The following GAB1 variants were observed in gnomAD, a reference collection of about 807,000 sequenced individuals.
The protein encoded by GAB1 is GRB2-associated-binding protein 1.
Under a neutral mutation model 66.5 loss-of-function variants are expected in GAB1, and 19 were observed. That is an observed-to-expected ratio of 0.29 (90% CI 0.20 to 0.42). The LOEUF (loss-of-function observed/expected upper bound fraction) is 0.42, where lower values mean the gene tolerates loss of function less well. Among genes scored for constraint, GAB1 ranks in the 10% least tolerant of loss-of-function variants. GAB1 has a pLI of 1.00. For missense variants in GAB1, 732 were observed against 858.5 expected (o/e 0.85, Z 1.84); for synonymous variants, 294 against 301.4 (o/e 0.98, Z 0.25).
intron 6 of GAB1, among the ~76,000 whole-genome samples, chr4:143,454,983 T>TTCTTTCC (rs2149784794): frequency 6.6e-6 from 1 of 152,262 alleles, no homozygotes; most frequent in East Asian, 1.9e-4. Flanking sequence ...AGGAATAGGT[T>TTCTTTCC]TTAAAAGACC....
At chr4:143,348,951 C>A (rs550995018) in intron 1 of GAB1, among the ~76,000 whole-genome samples, 1 of 152,302 alleles carries the variant, frequency 6.6e-6, no homozygotes, top group South Asian at 2.1e-4. Context: ...ACTTTGGGAA[C>A]CTTCTCTGAA....
intron 1 of GAB1, among the ~76,000 whole-genome samples, chr4:143,352,780 T>G (rs945709689): frequency 6.6e-6 from 1 of 152,164 alleles, no homozygotes; most frequent in African/African-American, 2.4e-5. Flanking sequence ...AAGTAAATAC[T>G]TATAAAGAAA....
At position 143,460,384 on chromosome 4, in the gene GAB1, C is replaced by T. The variant is rs867730397; in HGVS notation, c.1700C>T (p.Ser567Phe). Residue 567 changes from serine (S) to phenylalanine (F), a missense_variant, in exon 8 of 10, where the codon TCC becomes TTC. Coordinates refer to ENST00000262994, the MANE Select transcript of GAB1 (RefSeq NM_002039.4). Reference protein sequence around the residue: ...FARDSSRFPMSPRPDSVHSTT... With the variant: ...FARDSSRFPMFPRPDSVHSTT... Reference sequence around the variant, plus strand: ...ATTAGCTCTTCCAGGTTTCCCATGTCCCCCCGACCAGATTCAGTGCATAGC... The same window carrying T: ...ATTAGCTCTTCCAGGTTTCCCATGTTCCCCCGACCAGATTCAGTGCATAGC... The T allele has an allele frequency of 3.7e-6, 6 of 1,612,996 alleles. No homozygotes were observed. In the South Asian group the frequency reaches 4.4e-5, roughly 12 times the overall value.
At chr4:143,449,309 C>G (rs1180717514) in intron 6 of GAB1, among the ~76,000 whole-genome samples, 1 of 151,646 alleles carries the variant, frequency 6.6e-6, no homozygotes, top group African/African-American at 2.4e-5. Flanking sequence ...ATTAGGTCCG[C>G]TTGGTGCAGA....
chr4:143,369,508 G>C (rs78735461), intron 1 of GAB1, among the ~76,000 whole-genome samples: 1 of 152,204 alleles, frequency 6.6e-6, no homozygotes, highest in African/African-American at 2.4e-5. Context: ...AAAATATCCT[G>C]TTGCTCTAGT....
At chr4:143,349,406 G>A in intron 1 of GAB1, 1 of 1,063,324 alleles carries the variant, frequency 9.4e-7, no homozygotes, top group African/African-American at 1.5e-5. Context: ...TCAGGGGTCA[G>A]ATAGCTGTAG....
intron 6 of GAB1, among the ~76,000 whole-genome samples, chr4:143,454,331 C>T (rs1711794839): frequency 6.6e-6 from 1 of 152,158 alleles, no homozygotes; most frequent in Non-Finnish European, 1.5e-5. Flanking sequence ...CTATGTTGTA[C>T]TTGTTGAACT....
chr4:143,468,182 C>T (rs1008584542), intron 9 of GAB1, among the ~76,000 whole-genome samples: 2 of 135,058 alleles, frequency 1.5e-5, no homozygotes, highest in Non-Finnish European at 1.6e-5. Flanking sequence ...TGAATTTCAT[C>T]TGTCATGGAA....
At chr4:143,398,606 T>C (rs80236942) in intron 1 of GAB1, among the ~76,000 whole-genome samples, 48 of 152,282 alleles carry the variant, frequency 3.2e-4, no homozygotes, top group Admixed American at 9.8e-4. Flanking sequence ...GTGTCATTTG[T>C]ATAACCCTGG....
intron 6 of GAB1, among the ~76,000 whole-genome samples, chr4:143,447,560 G>A (rs1362074678): frequency 6.6e-6 from 1 of 152,154 alleles, no homozygotes; most frequent in Non-Finnish European, 1.5e-5. Flanking sequence ...TGAAGCAATT[G>A]TGAATGGGAG....
At chr4:143,454,442 A>T (rs1735079620) in intron 6 of GAB1, among the ~76,000 whole-genome samples, 1 of 152,362 alleles carries the variant, frequency 6.6e-6, no homozygotes, top group Non-Finnish European at 1.5e-5. Context: ...TGTCTGAATA[A>T]CAAAGAGGAG....
At chr4:143,373,520 A>T (rs897825566) in intron 1 of GAB1, among the ~76,000 whole-genome samples, 3 of 152,096 alleles carry the variant, frequency 2.0e-5, no homozygotes, top group African/African-American at 7.2e-5. Context: ...TCTATCTGGT[A>T]CTAGGCTTAA....
At chr4:143,396,429 GA>G (rs1011740970) in intron 1 of GAB1, among the ~76,000 whole-genome samples, 3 of 152,140 alleles carry the variant, frequency 2.0e-5, no homozygotes, top group African/African-American at 7.2e-5. Context: ...GAGATGGGGG[GA>G]AAGGATGAAA....
At chr4:143,411,057 C>T (rs1560750236) in intron 1 of GAB1, among the ~76,000 whole-genome samples, 1 of 151,996 alleles carries the variant, frequency 6.6e-6, no homozygotes, top group Non-Finnish European at 1.5e-5. Flanking sequence ...AGAGGCAGGA[C>T]AGAGCAGAGT....
At chr4:143,447,271 G>A (rs1448163859) in intron 6 of GAB1, among the ~76,000 whole-genome samples, 5 of 152,140 alleles carry the variant, frequency 3.3e-5, no homozygotes, top group African/African-American at 2.4e-5. Flanking sequence ...TTGACTTGGC[G>A]ATGCGGGCTC....
chr4:143,338,712 G>GGGGGGTGTGTGT (rs71588246), intron 1 of GAB1, among the ~76,000 whole-genome samples: 15 of 149,288 alleles, frequency 1.0e-4, no homozygotes, highest in African/African-American at 3.5e-4. Flanking sequence ...GAAAGGTAGG[G>GGGGGGTGTGTGT]GTGTGTGTGT....
chr4:143,474,040 C>T lies in GAB1; in HGVS notation c.*4851C>T, dbSNP rs1204567553. On this transcript the variant is annotated 3_prime_UTR_variant, in exon 10 of 10. Transcript: ENST00000262994. The stretch of plus-strand genomic sequence containing the variant: ...TCTGTTAGAATTTTTTGGAGACTAA[C>T]TTGCCAATTCTGTGAATGTTATTGA... 1 of 152,164 alleles carries T rather than the reference C, an allele frequency of 6.6e-6. No homozygotes were observed. Among genetic ancestry groups the T allele is most frequent in the Middle Eastern group, 3.2e-3 (1 of 316 alleles). The allele number at this position is 152,164 out of a possible 1,614,324, so 9.4% of individuals were successfully genotyped here. A position where few individuals can be genotyped will look rare whatever the true frequency, so the allele number is the denominator to read the frequency against.
At position 143,350,003 on chromosome 4, in the gene GAB1, C is replaced by T. The variant is rs962610109; in HGVS notation, c.72+12743C>T. 71 of 1,575,206 alleles carry T rather than the reference C, an allele frequency of 4.5e-5. No homozygotes were observed. In the African/African-American group the frequency reaches 6.6e-4, roughly 15 times the overall value. On this transcript the variant is annotated intron_variant, in intron 1 of 9. Coordinates refer to ENST00000262994, the MANE Select transcript of GAB1 (RefSeq NM_002039.4). ...CACTCCTTATCCTCGGCCTTGCCTCCGCGACCCCGGCCCCGGATGCCACTG... is the reference window on the plus strand; with the variant it reads ...CACTCCTTATCCTCGGCCTTGCCTCTGCGACCCCGGCCCCGGATGCCACTG...
intron 4 of GAB1, 154 bp from the exon 5 acceptor site, chr4:143,439,648 C>T (rs1303747673): frequency 3.2e-5 from 19 of 593,340 alleles, no homozygotes; most frequent in Non-Finnish European, 5.7e-5. Context: ...TATGCCAATT[C>T]AAGACACAGT....
Sources: gnomAD v4.1 joint callset for allele counts (sites outside exome capture counted in the v4.1 genomes callset) on GRCh38, gnomAD v4.1.1 for gene constraint, MANE v1.5 for transcripts, NCBI Gene and HGNC (gene_info 2026-07-23, HGNC 2026-07-21) for gene names.